The following FAM107B variants were observed in gnomAD, a reference collection of about 807,000 sequenced individuals.
FAM107B encodes the protein protein FAM107B.
A neutral mutation model predicts 31.5 loss-of-function variants in FAM107B; 21 were observed. That is an observed-to-expected ratio of 0.67 (90% CI 0.47 to 0.96). The LOEUF (loss-of-function observed/expected upper bound fraction) is 0.96. FAM107B is among the 40% of genes least tolerant of loss of function. FAM107B has a pLI of 0.00. For synonymous variants in FAM107B, 157 were observed against 141.5 expected (o/e 1.11, Z -0.78); for missense variants, 452 against 377.1 (o/e 1.20, Z -1.64).
intron 1 of FAM107B, 115 bp downstream of exon 1, chr10:14,774,138 G>C (rs1286251174): frequency 5.3e-6 from 7 of 1,311,202 alleles, no homozygotes; most frequent in African/African-American, 1.5e-5. Context: ...GAGAACGCCC[G>C]CAATGCCTTA....
chr10:14,655,444 G>A, intron 2 of FAM107B, among the ~76,000 whole-genome samples: 1 of 152,132 alleles, frequency 6.6e-6, no homozygotes, highest in East Asian at 1.9e-4. Context: ...TTTTGTGACG[G>A]AGTCTTGCTC....
intron 1 of FAM107B, among the ~76,000 whole-genome samples, chr10:14,703,850 C>T (rs1163186297): frequency 1.3e-5 from 2 of 152,158 alleles, no homozygotes; most frequent in East Asian, 1.9e-4. Flanking sequence ...AGCAGCTGAT[C>T]ATAATAAACT....
chr10:14,538,597 GA>G (rs1305726725), intron 2 of FAM107B, among the ~76,000 whole-genome samples: 1 of 152,166 alleles, frequency 6.6e-6, no homozygotes, highest in Non-Finnish European at 1.5e-5. Context: ...CCAGGGTCTG[GA>G]AAAGATTGTT....
intron 2 of FAM107B, chr10:14,534,779 G>A (rs1186862941): frequency 6.6e-6 from 1 of 152,206 alleles, no homozygotes; most frequent in Non-Finnish European, 1.5e-5. Flanking sequence ...CCACCGCCTT[G>A]TATTATAGCA....
chr10:14,604,985 G>A (rs988883078), intron 2 of FAM107B, among the ~76,000 whole-genome samples: 6 of 151,760 alleles, frequency 4.0e-5, no homozygotes, highest in Non-Finnish European at 7.4e-5. Context: ...AGAGCGTCTC[G>A]CTCCTGGGTG....
intron 2 of FAM107B, among the ~76,000 whole-genome samples, chr10:14,626,944 G>A (rs1361921376): frequency 1.3e-5 from 2 of 152,062 alleles, no homozygotes; most frequent in East Asian, 1.9e-4. Context: ...TTGGACATCT[G>A]GATTTAAATC....
chr10:14,617,293 G>C (rs1852878762), intron 2 of FAM107B, among the ~76,000 whole-genome samples: 1 of 152,076 alleles, frequency 6.6e-6, no homozygotes. Flanking sequence ...TGCATATCAA[G>C]ATAAAAGCAT....
chr10:14,724,292 T>C (rs1014797327), intron 1 of FAM107B, among the ~76,000 whole-genome samples: 4 of 152,206 alleles, frequency 2.6e-5, no homozygotes, highest in Non-Finnish European at 5.9e-5. Flanking sequence ...TAATGTGAGG[T>C]AGGGGTCCAA....
At chr10:14,695,969 TTTC>T (rs1158760546) in intron 1 of FAM107B, among the ~76,000 whole-genome samples, 4 of 152,226 alleles carry the variant, frequency 2.6e-5, no homozygotes, top group Non-Finnish European at 5.9e-5. Context: ...ATGCCTTTTC[TTTC>T]TTCTTCTTCT....
intron 1 of FAM107B, among the ~76,000 whole-genome samples, chr10:14,767,075 G>C (rs1269391339): frequency 3.6e-5 from 3 of 83,374 alleles, no homozygotes; most frequent in East Asian, 3.3e-4. Flanking sequence ...GAGAGAGAGA[G>C]AGAGAGAGAG....
chr10:14,527,123 C>G (rs1292320665), intron 3 of FAM107B, among the ~76,000 whole-genome samples: 1 of 151,812 alleles, frequency 6.6e-6, no homozygotes, highest in Admixed American at 6.6e-5. Flanking sequence ...AGGCGTGAGC[C>G]ACCACACCCA....
At chr10:14,736,263 T>G (rs1382324785) in intron 1 of FAM107B, among the ~76,000 whole-genome samples, 2 of 152,124 alleles carry the variant, frequency 1.3e-5, no homozygotes, top group South Asian at 4.1e-4. Flanking sequence ...TAGGTCAAAG[T>G]CACAAGTCAG....
chr10:14,698,612 G>C (rs1855323546), intron 1 of FAM107B, among the ~76,000 whole-genome samples: 1 of 152,186 alleles, frequency 6.6e-6, no homozygotes, highest in African/African-American at 2.4e-5. Context: ...ACATGCCGGG[G>C]CTCAAAAACA....
intron 1 of FAM107B, among the ~76,000 whole-genome samples, chr10:14,710,155 G>T (rs757316227): frequency 6.6e-5 from 10 of 151,986 alleles, no homozygotes; most frequent in Non-Finnish European, 1.3e-4. Flanking sequence ...TTAATAACAG[G>T]GGAAACTAGG....
intron 2 of FAM107B, among the ~76,000 whole-genome samples, chr10:14,546,486 C>T (rs1000308985): frequency 3.1e-4 from 47 of 152,326 alleles, no homozygotes; most frequent in African/African-American, 1.0e-3. Flanking sequence ...AACAGCTCGA[C>T]AGTTTTATCT....
rs183967595 is a variant in FAM107B at position 14,520,353 on chromosome 10, G to C, written c.*837C>G. On this transcript the variant is annotated 3_prime_UTR_variant, in exon 5 of 5. Transcript: ENST00000181796. ...CTTCTACTTTTGCTACTGAAGCTGG[G>C]TTATATGGACTAGTTCCACTCTCTA... is the stretch of plus-strand genomic sequence containing the variant. The C allele has an allele frequency of 6.6e-6, 1 of 152,148 alleles. No individual in the cohort carries two copies. The highest frequency in any genetic ancestry group is 2.4e-5 in the African/African-American group (1 of 41,428). The allele number at this position is 152,148 out of a possible 1,614,324, so 9.4% of individuals were successfully genotyped here.
intron 2 of FAM107B, among the ~76,000 whole-genome samples, chr10:14,614,344 T>A (rs999174894): frequency 2.0e-5 from 3 of 151,756 alleles, no homozygotes; most frequent in African/African-American, 7.3e-5. Context: ...GCTCTGGCAT[T>A]TAGTGGTCGG....
intron 2 of FAM107B, among the ~76,000 whole-genome samples, chr10:14,573,149 A>C (rs564590002): frequency 1.3e-5 from 2 of 152,212 alleles, no homozygotes; most frequent in South Asian, 4.2e-4. Flanking sequence ...CTGTGGAGAG[A>C]AACAGGCTTG....
intron 2 of FAM107B, among the ~76,000 whole-genome samples, chr10:14,641,955 A>G (rs764514748): frequency 3.3e-5 from 5 of 152,216 alleles, no homozygotes; most frequent in Non-Finnish European, 7.3e-5. Flanking sequence ...AATATCATCT[A>G]AATCAGATAT....
Sources: allele counts gnomAD v4.1 joint callset (sites outside exome capture counted in the v4.1 genomes callset), GRCh38; gene constraint gnomAD v4.1.1; transcripts MANE v1.5; gene names NCBI Gene and HGNC (gene_info 2026-07-23, HGNC 2026-07-21).